The following CERS6 variants were observed in gnomAD, a reference collection of about 807,000 sequenced individuals.
CERS6 encodes the protein ceramide synthase 6.
A neutral mutation model predicts 56.8 loss-of-function variants in CERS6; 26 were observed. That is an observed-to-expected ratio of 0.46 (90% confidence interval 0.34 to 0.63). CERS6 has a LOEUF of 0.63. CERS6 is among the 30% of genes least tolerant of loss of function. The pLI, the probability that CERS6 is intolerant of heterozygous loss-of-function variation, is 0.01. For synonymous variants in CERS6, 164 were observed against 173.3 expected (o/e 0.95, Z 0.42); for missense variants, 415 against 467.5 (o/e 0.89, Z 1.04).
chr2:168,631,189 C>A, intron 4 of CERS6, 147 bp downstream of exon 4: 2 of 476,716 alleles, frequency 4.2e-6, no homozygotes, highest in Non-Finnish European at 3.8e-6. Flanking sequence ...ATTTGACTTA[C>A]AAAAATATTT....
intron 4 of CERS6, among the ~76,000 whole-genome samples, chr2:168,671,924 A>G (rs1685928827): frequency 6.6e-6 from 1 of 152,190 alleles, no homozygotes; most frequent in East Asian, 1.9e-4. Flanking sequence ...TAGAAATGCT[A>G]GTTGAAGGTC....
At chr2:168,619,334 G>A (rs1478063237) in intron 3 of CERS6, among the ~76,000 whole-genome samples, 1 of 152,070 alleles carries the variant, frequency 6.6e-6, no homozygotes, top group Non-Finnish European at 1.5e-5. Flanking sequence ...AAAAGCAAAT[G>A]CAGAAAAAAC....
intron 1 of CERS6, among the ~76,000 whole-genome samples, chr2:168,496,399 G>C (rs1694469943): frequency 6.6e-6 from 1 of 151,822 alleles, no homozygotes; most frequent in Non-Finnish European, 1.5e-5. Context: ...AAAGATTTGA[G>C]CTAGAGTAGA....
At chr2:168,646,336 GTCT>G (rs1685201149) in intron 4 of CERS6, among the ~76,000 whole-genome samples, 1 of 152,002 alleles carries the variant, frequency 6.6e-6, no homozygotes, top group Non-Finnish European at 1.5e-5. Flanking sequence ...CCACATGTGT[GTCT>G]TCTTTTGAAA....
chr2:168,523,720 A>G (rs1574041609), intron 1 of CERS6, among the ~76,000 whole-genome samples: 1 of 152,182 alleles, frequency 6.6e-6, no homozygotes, highest in Admixed American at 6.5e-5. Flanking sequence ...TGGAGGTTCA[A>G]GAAAATCTTG....
chr2:168,482,442 C>T (rs1694194169), intron 1 of CERS6, among the ~76,000 whole-genome samples: 1 of 152,224 alleles, frequency 6.6e-6, no homozygotes, highest in South Asian at 2.1e-4. Flanking sequence ...TCACCTAGTT[C>T]AGGAATGTTG....
chr2:168,512,755 C>T (rs1198450656), intron 1 of CERS6, among the ~76,000 whole-genome samples: 1 of 151,756 alleles, frequency 6.6e-6, no homozygotes, highest in Non-Finnish European at 1.5e-5. Flanking sequence ...GCAACCTCCG[C>T]CTCCCAGGTT....
At chr2:168,546,849 G>T (rs926798294) in intron 1 of CERS6, among the ~76,000 whole-genome samples, 2 of 151,856 alleles carry the variant, frequency 1.3e-5, no homozygotes, top group Admixed American at 6.6e-5. Context: ...CACACCTTTG[G>T]GGCCCCATGC....
intron 4 of CERS6, among the ~76,000 whole-genome samples, chr2:168,668,898 T>C (rs928973829): frequency 5.3e-5 from 8 of 152,230 alleles, no homozygotes; most frequent in Non-Finnish European, 1.0e-4. Context: ...GCTAGAATTA[T>C]ACATATGCAT....
chr2:168,481,343 G>A (rs895867832), intron 1 of CERS6, among the ~76,000 whole-genome samples: 3 of 152,182 alleles, frequency 2.0e-5, no homozygotes, highest in African/African-American at 7.2e-5. Context: ...TGAACCTGGA[G>A]GCGGAGCTTG....
At chr2:168,466,448 C>T (rs371278705) in intron 1 of CERS6, among the ~76,000 whole-genome samples, 30 of 152,230 alleles carry the variant, frequency 2.0e-4, no homozygotes, top group African/African-American at 6.7e-4. Context: ...TCCTCCCTAG[C>T]TTTCAGTTTA....
chr2:168,763,240 CTT>C (rs756952701), intron 8 of CERS6, among the ~76,000 whole-genome samples: 9,535 of 105,534 alleles, frequency 0.09, 250 homozygotes, highest in Admixed American at 0.12. Flanking sequence ...CTCTCTCTCT[CTT>C]TTTTTTTTTT....
intron 1 of CERS6, among the ~76,000 whole-genome samples, chr2:168,472,319 T>C (rs2105325684): frequency 6.6e-6 from 1 of 152,206 alleles, no homozygotes; most frequent in Non-Finnish European, 1.5e-5. Flanking sequence ...AGAACAGAGA[T>C]CAAGGATCAG....
At chr2:168,720,975 A>G (rs573084203) in intron 8 of CERS6, among the ~76,000 whole-genome samples, 54 of 152,332 alleles carry the variant, frequency 3.5e-4, no homozygotes, top group African/African-American at 1.3e-3. Context: ...TGGACCACAT[A>G]TATGGCAGTG....
intron 1 of CERS6, among the ~76,000 whole-genome samples, chr2:168,522,812 G>A (rs1245385870): frequency 2.0e-5 from 3 of 152,168 alleles, no homozygotes; most frequent in Non-Finnish European, 4.4e-5. Context: ...GCCTCCCAAA[G>A]TGCTGAGATT....
At chr2:168,584,038 C>T (rs1683482871) in intron 3 of CERS6, among the ~76,000 whole-genome samples, 1 of 152,176 alleles carries the variant, frequency 6.6e-6, no homozygotes, top group South Asian at 2.1e-4. Context: ...GATGATTTTA[C>T]CCTAATTTTC....
chr2:168,585,640 A>G (rs1409278755), intron 3 of CERS6, among the ~76,000 whole-genome samples: 1 of 152,184 alleles, frequency 6.6e-6, no homozygotes, highest in African/African-American at 2.4e-5. Flanking sequence ...AGCACCACTG[A>G]AGTTTTCTAA....
rs146915418 is a variant in CERS6 at position 168,759,342 on chromosome 2, C to T, written c.846-6250C>T. Among the ~76,000 whole-genome samples the T allele has an allele frequency of 3.8e-3, 577 of 152,160 alleles. 3 individuals are homozygous for T. The highest frequency in any genetic ancestry group is 0.014 in the African/African-American group (561 of 41,500). ...AAGTGTTTTCTGTACTGGGACTCAC[C>T]CTTGGCAAAAGGTTTGGGCAGAACA... is the stretch of plus-strand genomic sequence containing the variant. On this transcript the variant is annotated intron_variant, in intron 8 of 9. Transcript: ENST00000305747.
At chr2:168,704,595 C>T (rs980890219) in intron 6 of CERS6, among the ~76,000 whole-genome samples, 1 of 152,126 alleles carries the variant, frequency 6.6e-6, no homozygotes, top group African/African-American at 2.4e-5. Context: ...CTCACCCTTG[C>T]ACCTTTGTTC....
Sources: gnomAD v4.1 joint callset for allele counts (sites outside exome capture counted in the v4.1 genomes callset) on GRCh38, gnomAD v4.1.1 for gene constraint, MANE v1.5 for transcripts, NCBI Gene and HGNC (gene_info 2026-07-23, HGNC 2026-07-21) for gene names.